Variants in RBFOX1 observed in about 807,000 individuals in gnomAD.
RBFOX1 encodes RNA binding protein fox-1 homolog 1.
In RBFOX1, 8 loss-of-function variants were observed where a neutral mutation model predicts 57.7. That is an observed-to-expected ratio of 0.14 (90% CI 0.08 to 0.25). RBFOX1 has a LOEUF of 0.25. RBFOX1 is among the 10% of genes least tolerant of loss of function. The pLI is 1.00. For synonymous variants in RBFOX1, 326 were observed against 222.4 expected, an observed-to-expected ratio of 1.47 and a Z score of -4.15; for missense variants, 611 against 548.5, an observed-to-expected ratio of 1.11 and a Z score of -1.14.
chr16:5,324,625 C>A (rs2064510805), intron 1 of RBFOX1, among the ~76,000 whole-genome samples: 1 of 152,176 alleles, frequency 6.6e-6, no homozygotes, highest in Non-Finnish European at 1.5e-5. Flanking sequence ...TGTTACGCAG[C>A]CATACAAAGA....
intron 3 of RBFOX1, among the ~76,000 whole-genome samples, chr16:6,956,644 A>C (rs183208417): frequency 6.6e-6 from 1 of 152,174 alleles, no homozygotes; most frequent in Non-Finnish European, 1.5e-5. Context: ...TGTGCCTGCT[A>C]TTTGTGGCTG....
Position 5,994,358 on chromosome 16 carries a change from C to T in RBFOX1, c.351+127023C>T, listed in dbSNP as rs150970426. Reference sequence around the variant, plus strand: ...TGTATTTTTAGTAGAGACTGGGTTTCGCCATATTGGCCAGGCTGGTCTCGA... The same window carrying T: ...TGTATTTTTAGTAGAGACTGGGTTTTGCCATATTGGCCAGGCTGGTCTCGA... On this transcript the variant is annotated intron_variant, in intron 4 of 19. Transcript: ENST00000641259. Among the ~76,000 whole-genome samples the T allele has an allele frequency of 2.5e-3, 387 of 152,260 alleles. 1 individual carries two copies. Among genetic ancestry groups the T allele is most frequent in the African/African-American group, 8.7e-3 (363 of 41,540 alleles).
intron 3 of RBFOX1, among the ~76,000 whole-genome samples, chr16:6,667,995 C>T (rs1036635596): frequency 6.6e-6 from 1 of 152,084 alleles, no homozygotes; most frequent in Non-Finnish European, 1.5e-5. Flanking sequence ...TCTTAGATTC[C>T]TAGTGAGATC....
Position 5,262,501 on chromosome 16 carries a change from G to T in RBFOX1, c.219+22396G>T, listed in dbSNP as rs1353242589. Among the ~76,000 whole-genome samples, 4 of 152,202 alleles carry T rather than the reference G, an allele frequency of 2.6e-5. No individual in the cohort carries two copies. The South Asian group carries it at 6.2e-4, about 24-fold the overall frequency. ...TTCTCCTGAGTTTAGATGTGGACTC[G>T]AGTTGGAACTATATCATTGGCTGTC... On this transcript the variant is annotated intron_variant, in intron 1 of 2. Transcript: ENST00000585867.
chr16:6,372,518 G>T (rs8055269), intron 2 of RBFOX1, among the ~76,000 whole-genome samples: 68,855 of 142,014 alleles, frequency 0.48, 14,590 homozygotes, highest in Non-Finnish European at 0.52. Context: ...TGGATGGAAG[G>T]ATAGCTGGTT....
At chr16:6,594,495 C>G (rs956553195) in intron 2 of RBFOX1, among the ~76,000 whole-genome samples, 6 of 152,124 alleles carry the variant, frequency 3.9e-5, no homozygotes, top group Non-Finnish European at 8.8e-5. Context: ...GCCCAGCTCT[C>G]ACAGATTGTT....
At chr16:5,563,998 A>G (rs138385182) in intron 2 of RBFOX1, among the ~76,000 whole-genome samples, 1 of 152,192 alleles carries the variant, frequency 6.6e-6, no homozygotes, top group African/African-American at 2.4e-5. Flanking sequence ...CTCAGTGTGT[A>G]GGAGAGAGTT....
intron 1 of RBFOX1, among the ~76,000 whole-genome samples, chr16:6,314,135 G>A (rs1420799598): frequency 6.6e-6 from 1 of 152,102 alleles, no homozygotes; most frequent in East Asian, 1.9e-4. Context: ...ACCAAAGAAG[G>A]CCCAGTTGCT....
intron 11 of RBFOX1, among the ~76,000 whole-genome samples, chr16:7,634,998 C>A (rs1216627048): frequency 6.6e-6 from 1 of 152,184 alleles, no homozygotes; most frequent in Non-Finnish European, 1.5e-5. Flanking sequence ...ATGGGCAGGG[C>A]TGCTTGGTAT....
intron 10 of RBFOX1, among the ~76,000 whole-genome samples, chr16:7,628,118 C>A (rs1385356868): frequency 1.3e-5 from 2 of 152,090 alleles, no homozygotes; most frequent in African/African-American, 4.8e-5. Flanking sequence ...AGGGTTTTAA[C>A]CATACAATAC....
chr16:5,959,212 C>G (rs146962614), intron 4 of RBFOX1, among the ~76,000 whole-genome samples: 27 of 152,290 alleles, frequency 1.8e-4, no homozygotes, highest in African/African-American at 5.3e-4. Flanking sequence ...CTATTGCTCA[C>G]TTGAGTTTAA....
intron 5 of RBFOX1, among the ~76,000 whole-genome samples, chr16:7,544,409 G>A (rs767214154): frequency 6.6e-6 from 1 of 152,184 alleles, no homozygotes; most frequent in African/African-American, 2.4e-5. Flanking sequence ...TTTGAAAGTA[G>A]AGCCTTTGTA....
intron 4 of RBFOX1, among the ~76,000 whole-genome samples, chr16:7,149,634 C>T (rs1001344463): frequency 2.0e-5 from 3 of 151,854 alleles, no homozygotes; most frequent in Non-Finnish European, 4.4e-5. Flanking sequence ...TACAGGTGCA[C>T]ACCACCGTGC....
At position 5,317,565 on chromosome 16, in the gene RBFOX1, C is replaced by T. The variant is rs565088748; in HGVS notation, c.219+77460C>T. ...TGGAGTTTGCAGTGAGCTGAGATCA[C>T]GCCGTTGCACTCCAGCCTGGGCGAA... On this transcript the variant is annotated intron_variant, in intron 1 of 2. Coordinates refer to the RBFOX1 transcript ENST00000585867. Among the ~76,000 whole-genome samples the T allele has an allele frequency of 3.9e-5, 6 of 152,216 alleles. No individual in the cohort carries two copies. In the South Asian group the frequency reaches 6.2e-4, roughly 16 times the overall value.
intron 10 of RBFOX1, among the ~76,000 whole-genome samples, chr16:7,628,245 G>C (rs1017213213): frequency 5.9e-5 from 9 of 152,160 alleles, no homozygotes; most frequent in African/African-American, 2.2e-4. Context: ...GCGTGCACAG[G>C]AGAGAAGGTT....
At chr16:5,510,283 TG>T (rs1035781621) in intron 2 of RBFOX1, among the ~76,000 whole-genome samples, 1 of 152,116 alleles carries the variant, frequency 6.6e-6, no homozygotes, top group Non-Finnish European at 1.5e-5. Flanking sequence ...GTGAGTTGCG[TG>T]GGGTTCAGCA....
At chr16:6,158,190 C>T (rs1002768301) in intron 1 of RBFOX1, among the ~76,000 whole-genome samples, 5 of 152,166 alleles carry the variant, frequency 3.3e-5, no homozygotes, top group African/African-American at 1.2e-4. Flanking sequence ...CAATGCTGGT[C>T]TGAAGAATGT....
intron 3 of RBFOX1, among the ~76,000 whole-genome samples, chr16:6,693,927 C>G (rs548979709): frequency 6.6e-6 from 1 of 152,124 alleles, no homozygotes; most frequent in African/African-American, 2.4e-5. Context: ...GACTGTTTAC[C>G]CATATGAAGT....
intron 1 of RBFOX1, among the ~76,000 whole-genome samples, chr16:6,249,451 G>C (rs1038354777): frequency 6.6e-6 from 1 of 152,148 alleles, no homozygotes; most frequent in Admixed American, 6.5e-5. Context: ...TTGAACCCGG[G>C]AGGCAGAGAT....
Sources: gnomAD v4.1 joint callset for allele counts (sites outside exome capture counted in the v4.1 genomes callset) on GRCh38, gnomAD v4.1.1 for gene constraint, MANE v1.5 for transcripts, NCBI Gene and HGNC (gene_info 2026-07-23, HGNC 2026-07-21) for gene names.